ARHGAP21: variants seen among roughly 807,000 people sequenced by gnomAD.
The protein encoded by ARHGAP21 is rho GTPase-activating protein 21.
In ARHGAP21, 38 loss-of-function variants were observed where a neutral mutation model predicts 164.6. That is an observed-to-expected ratio of 0.23 (90% confidence interval 0.18 to 0.30). The LOEUF (loss-of-function observed/expected upper bound fraction) is 0.30, where lower values mean the gene tolerates loss of function less well. Ranked by LOEUF, ARHGAP21 falls within the 10% of genes least tolerant of loss-of-function variation. ARHGAP21 has a pLI of 1.00. For missense variants in ARHGAP21, 1,822 were observed against 2,370.7 expected (o/e 0.77, Z 4.81); for synonymous variants, 766 against 857.9 (o/e 0.89, Z 1.87).
chr10:24,712,368 T>C (rs968598747), intron 2 of ARHGAP21, among the ~76,000 whole-genome samples: 1 of 152,184 alleles, frequency 6.6e-6, no homozygotes, highest in Non-Finnish European at 1.5e-5. Context: ...ATCTATACAG[T>C]GGTCCTTCAA....
intron 9 of ARHGAP21, among the ~76,000 whole-genome samples, chr10:24,609,636 C>T (rs937850050): frequency 6.6e-6 from 1 of 152,112 alleles, no homozygotes; most frequent in Non-Finnish European, 1.5e-5. Flanking sequence ...TCTTGATTCC[C>T]TTTGAAAATA....
rs1378727688 is a variant in ARHGAP21 at position 24,602,023 on chromosome 10, C to T, written c.2802G>A (p.Lys934=). The T allele has an allele frequency of 1.2e-6, 2 of 1,612,308 alleles. No homozygotes were observed. Among genetic ancestry groups the T allele is most frequent in the Admixed American group, 1.7e-5 (1 of 60,008 alleles). The change falls in exon 13 of 26, where the codon AAG becomes AAA. Residue 934 remains lysine (K), a synonymous_variant. Coordinates refer to ENST00000396432, the MANE Select transcript of ARHGAP21 (RefSeq NM_020824.4). ...SSSEVFSDAA[K]EGWLHFRPLV... is the part of the protein sequence containing the mutation. ...GGGGTCGGAAATGAAGCCACCCTTC[C>T]TTGGCAGCATCACTGAAGACCTCTG...
chr10:24,589,544 C>A, intron 24 of ARHGAP21: 1 of 449,006 alleles, frequency 2.2e-6, no homozygotes, highest in Non-Finnish European at 3.9e-6. Context: ...GGCAAAGGAG[C>A]CCTGTGCTAA....
rs537268930 is a variant in ARHGAP21, at chr10:24,607,007, G to C, written c.2684+492C>G. Among the ~76,000 whole-genome samples the C allele has an allele frequency of 2.0e-5, 3 of 152,224 alleles. No individual in the cohort carries two copies. In the South Asian group the frequency reaches 6.2e-4, roughly 32 times the overall value. On this transcript the variant is annotated intron_variant, in intron 11 of 25. Transcript: ENST00000396432. ...ATCAATATAAATGTCTATTAATATA[G>C]AGTATTGGTTAAGTATATTATGGTA...
chr10:24,723,137 G>A (rs1196869143), intron 1 of ARHGAP21: 2 of 151,668 alleles, frequency 1.3e-5, no homozygotes, highest in East Asian at 2.0e-4. Context: ...CCCGGGGCGA[G>A]ACAAAACCGG....
chr10:24,705,513 G>C (rs921903435), intron 2 of ARHGAP21, among the ~76,000 whole-genome samples: 2 of 152,116 alleles, frequency 1.3e-5, no homozygotes, highest in Admixed American at 1.3e-4. Flanking sequence ...ATAAAGAAAA[G>C]TATTGGACAC....
rs563918144 is a variant in ARHGAP21, at chr10:24,607,436, G to C, written c.2684+63C>G. The C allele has an allele frequency of 7.2e-5, 98 of 1,363,410 alleles. No homozygotes were observed. The South Asian group carries it at 1.1e-3, about 15-fold the overall frequency. 84.5% of individuals were successfully genotyped at this position (1,363,410 alleles called of 1,614,324 possible). A position where few individuals can be genotyped will look rare whatever the true frequency, so the allele number is the denominator to read the frequency against. ...ACATCATTAAATTCTGAACTTATGTGTCAAGGTCATGCTGAACACCCACCC... is the reference window on the plus strand; with the variant it reads ...ACATCATTAAATTCTGAACTTATGTCTCAAGGTCATGCTGAACACCCACCC... On this transcript the variant is annotated intron_variant, in intron 11 of 25. Coordinates refer to ENST00000396432, the MANE Select transcript of ARHGAP21 (RefSeq NM_020824.4).
chr10:24,633,883 C>CTTTTT lies in ARHGAP21; in HGVS notation c.362-408_362-404dup, dbSNP rs3073324. 3.1e-3 allele frequency among the ~76,000 whole-genome samples: 235 copies of CTTTTT among 75,490 alleles called. 25 individuals carry two copies. Among genetic ancestry groups the CTTTTT allele is most frequent in the Non-Finnish European group, 4.7e-3 (193 of 40,868 alleles). The allele number at this position is 75,490 out of a possible 152,430, so 49.5% of individuals were successfully genotyped here. On this transcript the variant is annotated intron_variant, in intron 5 of 25. Transcript: ENST00000396432. Reference sequence around the variant, plus strand: ...CTCCACGTACCCTGTCTTTTTTTCTCTTTTTTTTTTTTTTTTTTTTTTTTT... The same window carrying CTTTTT: ...CTCCACGTACCCTGTCTTTTTTTCTCTTTTTTTTTTTTTTTTTTTTTTTTTTTTTT...
intron 4 of ARHGAP21, among the ~76,000 whole-genome samples, chr10:24,641,856 G>A (rs1307134517): frequency 6.6e-6 from 1 of 152,088 alleles, no homozygotes; most frequent in African/African-American, 2.4e-5. Context: ...AATTAGCCGG[G>A]CATTGTGGCA....
chr10:24,636,565 C>T (rs1836408313), intron 4 of ARHGAP21, among the ~76,000 whole-genome samples: 1 of 152,170 alleles, frequency 6.6e-6, no homozygotes, highest in South Asian at 2.1e-4. Flanking sequence ...GATTGAGTGT[C>T]AAATACAAAG....
intron 9 of ARHGAP21, among the ~76,000 whole-genome samples, chr10:24,612,401 G>A (rs1277139669): frequency 6.6e-6 from 1 of 152,170 alleles, no homozygotes; most frequent in Non-Finnish European, 1.5e-5. Context: ...GCAACAGCAT[G>A]TATATATCTT....
At chr10:24,652,749 CAAAG>C (rs1241391562) in intron 4 of ARHGAP21, among the ~76,000 whole-genome samples, 1 of 152,174 alleles carries the variant, frequency 6.6e-6, no homozygotes, top group Non-Finnish European at 1.5e-5. Flanking sequence ...ATTAAAATTA[CAAAG>C]ACTGACAACA....
rs560576314 is a variant in ARHGAP21, at chr10:24,658,340, A to G, written c.268+8645T>C. ...CCGTTACTGGGCATATACTCAAAGGATTATAAATCATGCTGCTATAAAGAC... is the reference window on the plus strand; with the variant it reads ...CCGTTACTGGGCATATACTCAAAGGGTTATAAATCATGCTGCTATAAAGAC... On this transcript the variant is annotated intron_variant, in intron 4 of 25. Transcript: ENST00000396432. Among the ~76,000 whole-genome samples the G allele has an allele frequency of 2.0e-5, 3 of 152,290 alleles. No homozygotes were observed. In the East Asian group the frequency reaches 5.8e-4, roughly 29 times the overall value.
chr10:24,594,830 C>T lies in ARHGAP21; in HGVS notation c.3876+120G>A, dbSNP rs542686526. ...CTTTTAAAAACAATTTTAAGAAGGA[C>T]TTACCCAGTTTGATGTTGAATTACA... On this transcript the variant is annotated intron_variant, in intron 21 of 25. Coordinates refer to ENST00000396432, the MANE Select transcript of ARHGAP21 (RefSeq NM_020824.4). The T allele has an allele frequency of 1.3e-5, 9 of 717,242 alleles. No homozygotes were observed. The South Asian group carries it at 2.6e-4, about 21-fold the overall frequency. 44.4% of individuals were successfully genotyped at this position (717,242 alleles called of 1,614,324 possible). A position where few individuals can be genotyped will look rare whatever the true frequency, so the allele number is the denominator to read the frequency against.
At chr10:24,611,121 C>T (rs1016119986) in intron 9 of ARHGAP21, among the ~76,000 whole-genome samples, 1 of 152,118 alleles carries the variant, frequency 6.6e-6, no homozygotes, top group African/African-American at 2.4e-5. Context: ...TTCACAGGAG[C>T]GGCTGGCCCT....
intron 24 of ARHGAP21, chr10:24,590,265 A>C: frequency 2.7e-6 from 4 of 1,495,490 alleles, no homozygotes; most frequent in Non-Finnish European, 3.6e-6. Flanking sequence ...AAAAACTTTT[A>C]AGAAAGTAGT....
At chr10:24,717,600 T>C (rs954770474) in intron 2 of ARHGAP21, among the ~76,000 whole-genome samples, 2 of 151,756 alleles carry the variant, frequency 1.3e-5, no homozygotes, top group Non-Finnish European at 2.9e-5. Flanking sequence ...GAGGGAAGGG[T>C]AGAAGAAAGG....
chr10:24,631,686 A>G (rs1835868748), intron 6 of ARHGAP21, among the ~76,000 whole-genome samples: 1 of 152,212 alleles, frequency 6.6e-6, no homozygotes, highest in African/African-American at 2.4e-5. Context: ...ACTGATGTTT[A>G]GATAAACTCC....
In ARHGAP21 at chr10:24,603,868, G is replaced by A. The variant is rs568775274; in HGVS notation, c.2721+444C>T. 3.9e-4 allele frequency among the ~76,000 whole-genome samples: 59 copies of A among 152,186 alleles called. No homozygotes were observed. The South Asian group carries it at 0.012, about 30-fold the overall frequency. ...CAAAAATTAGCCAGGCATGGCAGGC[G>A]CCTGTAATCTCAAGCTACTTGGGAG... On this transcript the variant is annotated intron_variant, in intron 12 of 25. Coordinates refer to ENST00000396432, the MANE Select transcript of ARHGAP21 (RefSeq NM_020824.4).
Sources: gnomAD v4.1 joint callset for allele counts (sites outside exome capture counted in the v4.1 genomes callset) on GRCh38, gnomAD v4.1.1 for gene constraint, MANE v1.5 for transcripts, NCBI Gene and HGNC (gene_info 2026-07-23, HGNC 2026-07-21) for gene names.